PCDHA4: variants seen among roughly 807,000 people sequenced by gnomAD.
The protein encoded by PCDHA4 is protocadherin alpha-4.
PCDHA4 carries 49 observed loss-of-function variants against 61.4 expected under a neutral mutation model. That is an observed-to-expected ratio of 0.80 (90% CI 0.63 to 1.01). The LOEUF (loss-of-function observed/expected upper bound fraction) is 1.01. Ranked by LOEUF, PCDHA4 falls within the 50% of genes least tolerant of loss-of-function variation. PCDHA4 has a pLI of 0.00. For synonymous variants in PCDHA4, 590 were observed against 550.3 expected, an observed-to-expected ratio of 1.07 and a Z score of -1.01; for missense variants, 1,254 against 1,235.8, an observed-to-expected ratio of 1.01 and a Z score of -0.22.
chr5:140,968,855 A>G (rs2096275634), intron 1 of PCDHA4: 2 of 1,614,198 alleles, frequency 1.2e-6, no homozygotes, highest in Non-Finnish European at 1.7e-6. Flanking sequence ...GCATGTTAAG[A>G]GCCCTCGGAC....
intron 1 of PCDHA4, chr5:140,966,987 C>T (rs782372991): frequency 6.2e-7 from 1 of 1,604,132 alleles, no homozygotes; most frequent in South Asian, 1.1e-5. Context: ...CGCTTGGGGC[C>T]GGGTTGCTTG....
At chr5:140,873,657 C>CTA in intron 1 of PCDHA4, among the ~76,000 whole-genome samples, 1 of 152,206 alleles carries the variant, frequency 6.6e-6, no homozygotes, top group South Asian at 2.1e-4. Context: ...ACATAACACA[C>CTA]TATTATTATT....
chr5:140,875,808 G>A (rs1554167962), intron 1 of PCDHA4: 1 of 1,614,226 alleles, frequency 6.2e-7, no homozygotes, highest in South Asian at 1.1e-5. Flanking sequence ...TCGTGGACAG[G>A]CCGCTGCAGG....
intron 1 of PCDHA4, chr5:140,843,861 G>T: frequency 1.1e-6 from 1 of 908,292 alleles, no homozygotes; most frequent in South Asian, 1.8e-5. Context: ...ATAATTAATT[G>T]AATTTTCTCA....
chr5:140,808,545 C>T lies in PCDHA4; in HGVS notation c.1358C>T (p.Pro453Leu), dbSNP rs782621345. ...VEVADVNDNA[P>L]AFAQPEYTVF... Reference sequence around the variant, plus strand: ...GTGGCTGATGTGAACGACAACGCTCCGGCGTTCGCGCAGCCCGAGTACACA... The same window carrying T: ...GTGGCTGATGTGAACGACAACGCTCTGGCGTTCGCGCAGCCCGAGTACACA... The change falls in exon 1 of 4, where the codon CCG (proline) becomes CTG (leucine). Residue 453 changes from proline (P) to leucine (L), a missense_variant. By Grantham distance (98) the Pro-to-Leu change is moderately conservative (BLOSUM62 -3). Transcript: ENST00000530339. 9.3e-6 allele frequency: 15 copies of T among 1,614,116 alleles called. No homozygotes were observed. Among genetic ancestry groups the T allele is most frequent in the South Asian group, 8.8e-5 (8 of 91,088 alleles).
chr5:140,867,224 C>A (rs1432488021), intron 1 of PCDHA4: 7 of 152,034 alleles, frequency 4.6e-5, no homozygotes, highest in African/African-American at 1.4e-4. Flanking sequence ...TCCCCAATTC[C>A]CATAATAAGG....
chr5:140,876,685 T>C, intron 1 of PCDHA4: 1 of 1,614,216 alleles, frequency 6.2e-7, no homozygotes, highest in Non-Finnish European at 8.5e-7. Flanking sequence ...CAAGAATTAC[T>C]ACTCGTTGGT....
intron 1 of PCDHA4, among the ~76,000 whole-genome samples, chr5:140,931,261 A>G (rs1455233876): frequency 6.6e-6 from 1 of 152,152 alleles, no homozygotes; most frequent in African/African-American, 2.4e-5. Flanking sequence ...AAATTTCACT[A>G]TTTATTTCTT....
chr5:140,973,929 T>C (rs2096608226), intron 1 of PCDHA4, among the ~76,000 whole-genome samples: 1 of 152,216 alleles, frequency 6.6e-6, no homozygotes, highest in Non-Finnish European at 1.5e-5. Flanking sequence ...AACCCAGAGG[T>C]TTAGCTGAAT....
intron 1 of PCDHA4, chr5:140,884,217 T>C (rs782181432): frequency 6.2e-7 from 1 of 1,613,448 alleles, no homozygotes; most frequent in East Asian, 2.2e-5. Flanking sequence ...CTTCTGGTGC[T>C]GGTGAAGGAC....
intron 1 of PCDHA4, among the ~76,000 whole-genome samples, chr5:140,846,416 C>T (rs1275676707): frequency 1.5e-5 from 2 of 134,880 alleles, no homozygotes; most frequent in African/African-American, 5.4e-5. Context: ...GCTCTATCTC[C>T]CAGGCTGGAA....
intron 3 of PCDHA4, among the ~76,000 whole-genome samples, chr5:140,983,660 A>G (rs1460631508): frequency 6.6e-6 from 1 of 152,244 alleles, no homozygotes; most frequent in African/African-American, 2.4e-5. Context: ...TAAGTGGCAG[A>G]GGGTAGGATT....
chr5:140,822,975 C>T (rs2150120923), intron 1 of PCDHA4: 6 of 1,614,234 alleles, frequency 3.7e-6, no homozygotes, highest in Non-Finnish European at 5.1e-6. Context: ...TGTCCACCTT[C>T]AAGAATTACT....
At chr5:140,869,558 T>A in intron 1 of PCDHA4, 1 of 1,614,200 alleles carries the variant, frequency 6.2e-7, no homozygotes, top group Non-Finnish European at 8.5e-7. Flanking sequence ...GACTCGCGTT[T>A]TCCACTAGAG....
chr5:140,827,789 G>A (rs1378424997), intron 1 of PCDHA4, among the ~76,000 whole-genome samples: 1 of 152,206 alleles, frequency 6.6e-6, no homozygotes, highest in African/African-American at 2.4e-5. Flanking sequence ...AACACTGACC[G>A]TGCAAATTAC....
intron 1 of PCDHA4, chr5:140,843,081 C>T (rs2150352051): frequency 1.3e-6 from 2 of 1,595,422 alleles, no homozygotes; most frequent in Admixed American, 1.7e-5. Flanking sequence ...TCTGTGGGCG[C>T]GGGCCACGTG....
chr5:140,851,315 T>C (rs2042026513), intron 1 of PCDHA4: 1 of 992,586 alleles, frequency 1.0e-6, no homozygotes, highest in African/African-American at 1.7e-5. Context: ...AATTGTTACC[T>C]TGTTAAGTTT....
In PCDHA4 at chr5:140,808,183, C is replaced by A. The variant is rs782261316; in HGVS notation, c.996C>A (p.Gly332=). ...GIDKGQLPLS[G]HCRVIVEVED... The stretch of plus-strand genomic sequence containing the variant: ...ATAAGGGACAGCTCCCACTTTCTGG[C>A]CATTGTAGAGTTATTGTGGAAGTAG... Residue 332 remains glycine (G), a synonymous_variant, in exon 1 of 4, where the codon GGC becomes GGA. Transcript: ENST00000530339. 1 of 1,614,172 alleles carries A rather than the reference C, an allele frequency of 6.2e-7. No homozygotes were observed. Among genetic ancestry groups the A allele is most frequent in the Non-Finnish European group, 8.5e-7 (1 of 1,180,032 alleles).
At chr5:140,998,645 A>T (rs1020510258) in intron 3 of PCDHA4, among the ~76,000 whole-genome samples, 12 of 151,600 alleles carry the variant, frequency 7.9e-5, no homozygotes, top group Non-Finnish European at 1.6e-4. Context: ...GCTCACTGCA[A>T]CCTCTGCCTC....
Sources: gnomAD v4.1 joint callset for allele counts (sites outside exome capture counted in the v4.1 genomes callset) on GRCh38, gnomAD v4.1.1 for gene constraint, MANE v1.5 for transcripts, NCBI Gene and HGNC (gene_info 2026-07-23, HGNC 2026-07-21) for gene names.